RIN3: variants seen among roughly 807,000 people sequenced by gnomAD.
RIN3 encodes RAB5 interacting protein 3.
A neutral mutation model predicts 76.3 loss-of-function variants in RIN3; 54 were observed. The observed-to-expected ratio is 0.71, with a 90% CI of 0.57 to 0.89. The LOEUF is 0.89. Among genes scored for constraint, RIN3 ranks in the 40% least tolerant of loss-of-function variants. The probability of loss-of-function intolerance (pLI) is 0.00; values close to 1 mark genes in which losing one functional copy is unlikely to be tolerated. For missense variants in RIN3, 1,256 were observed against 1,322.1 expected, an observed-to-expected ratio of 0.95 and a Z score of 0.78; for synonymous variants, 576 against 564.0, an observed-to-expected ratio of 1.02 and a Z score of -0.30.
intron 7 of RIN3, among the ~76,000 whole-genome samples, chr14:92,662,942 C>A (rs1002432922): frequency 6.6e-6 from 1 of 152,020 alleles, no homozygotes; most frequent in African/African-American, 2.4e-5. Context: ...TCCTGAGTAG[C>A]TGGGACTACA....
intron 1 of RIN3, among the ~76,000 whole-genome samples, chr14:92,536,331 C>G (rs1212311347): frequency 6.6e-6 from 1 of 152,214 alleles, no homozygotes; most frequent in Non-Finnish European, 1.5e-5. Context: ...TGGACAAGAT[C>G]TGTCCTTCTA....
rs765836030 is a variant in RIN3, at chr14:92,688,059, G to A, written c.2765G>A (p.Arg922Gln). 1.1e-5 allele frequency: 17 copies of A among 1,602,926 alleles called. No individual in the cohort carries two copies. Among genetic ancestry groups the A allele is most frequent in the South Asian group, 2.2e-5 (2 of 89,892 alleles). Residue 922 changes from arginine (R) to glutamine (Q), a missense_variant, in exon 10 of 10, where the codon CGG becomes CAG. By Grantham distance (43) the Arg-to-Gln change is conservative. Around this residue, in one of 3 missense-constraint regions of RIN3, gnomAD observed 218 missense variants for 174.5 expected, o/e 1.25. Transcript: ENST00000216487. ...GCGGTGGAGCGGCCGCAGGCGCACC[G>A]GCTGTTCGTGCTGGTGGACGGGCGC... ...KFAVERPQAH[R>Q]LFVLVDGRCF...
intron 7 of RIN3, 28 bp downstream of exon 7, chr14:92,659,497 G>A (rs754004975): frequency 6.4e-7 from 1 of 1,562,140 alleles, no homozygotes. Context: ...AGGGGTCTGG[G>A]TGAGGAGCTC....
At chr14:92,610,439 C>T (rs576992865) in intron 3 of RIN3, among the ~76,000 whole-genome samples, 9 of 152,288 alleles carry the variant, frequency 5.9e-5, no homozygotes, top group African/African-American at 1.7e-4. Flanking sequence ...CTGTTCTTTA[C>T]GGGTCCTCAC....
intron 4 of RIN3, 75 bp downstream of exon 4, chr14:92,615,554 G>T: frequency 1.6e-6 from 2 of 1,269,918 alleles, no homozygotes; most frequent in Non-Finnish European, 2.3e-6. Flanking sequence ...GGGTGCAGGG[G>T]ACTTCACAGG....
intron 3 of RIN3, among the ~76,000 whole-genome samples, chr14:92,611,309 C>CA (rs1267780714): frequency 6.6e-6 from 1 of 151,892 alleles, no homozygotes; most frequent in African/African-American, 2.4e-5. Flanking sequence ...TTTTTGGAGA[C>CA]AGAGTCTCGC....
intron 2 of RIN3, among the ~76,000 whole-genome samples, chr14:92,569,108 C>G (rs1451635068): frequency 6.6e-6 from 1 of 152,234 alleles, no homozygotes; most frequent in Non-Finnish European, 1.5e-5. Context: ...ACCACTCTCT[C>G]TTTAGTTTAT....
At chr14:92,676,193 G>A (rs1440878977) in intron 7 of RIN3, among the ~76,000 whole-genome samples, 1 of 151,982 alleles carries the variant, frequency 6.6e-6, no homozygotes, top group Non-Finnish European at 1.5e-5. Flanking sequence ...GGGCGGTCAT[G>A]GAGAGGGAGG....
chr14:92,627,065 T>A (rs1344713007), intron 4 of RIN3, among the ~76,000 whole-genome samples: 1 of 152,180 alleles, frequency 6.6e-6, no homozygotes, highest in Non-Finnish European at 1.5e-5. Flanking sequence ...TGCCTATTCC[T>A]CTCATTCTCC....
At chr14:92,603,711 T>A (rs1191804326) in intron 3 of RIN3, among the ~76,000 whole-genome samples, 1 of 152,136 alleles carries the variant, frequency 6.6e-6, no homozygotes, top group Non-Finnish European at 1.5e-5. Context: ...TGTCTGCTCT[T>A]CTCACTTTTG....
At position 92,568,709 on chromosome 14, in the gene RIN3, T is replaced by C. The variant is rs1868564568; in HGVS notation, c.250-8651T>C. ...GAGTCCGTCCCTGCCCCACTCTCCA[T>C]CGTGAACTCACAGCCTCCAGCCTCC... On this transcript the variant is annotated intron_variant, in intron 2 of 9. Transcript: ENST00000216487. This position sits in a 1 kb window ranked among gnomAD's most constrained non-coding sequence, Gnocchi z 4.2. Among the ~76,000 whole-genome samples, 3 of 152,234 alleles carry C rather than the reference T, an allele frequency of 2.0e-5. No homozygotes were observed. Among genetic ancestry groups the C allele is most frequent in the African/African-American group, 7.2e-5 (3 of 41,460 alleles).
intron 1 of RIN3, among the ~76,000 whole-genome samples, chr14:92,518,570 T>G (rs1896506738): frequency 6.6e-6 from 1 of 152,204 alleles, no homozygotes. Flanking sequence ...GTAGGGACCC[T>G]GCTTGGCCCC....
intron 4 of RIN3, among the ~76,000 whole-genome samples, chr14:92,628,498 C>T (rs763915707): frequency 1.6e-4 from 24 of 152,148 alleles, no homozygotes; most frequent in Non-Finnish European, 3.2e-4. Context: ...TGGGCACTGG[C>T]GCCACTTTCC....
chr14:92,663,588 T>C (rs1887965411), intron 7 of RIN3, among the ~76,000 whole-genome samples: 1 of 152,206 alleles, frequency 6.6e-6, no homozygotes, highest in Non-Finnish European at 1.5e-5. Context: ...CCACCACTGG[T>C]TGAGCACTGG....
intron 8 of RIN3, among the ~76,000 whole-genome samples, chr14:92,682,642 C>G (rs529389373): frequency 2.6e-4 from 40 of 152,192 alleles, no homozygotes; most frequent in Non-Finnish European, 4.8e-4. Flanking sequence ...CAAAGGGATA[C>G]ATCCACTGAG....
chr14:92,543,522 A>G (rs1375853641), intron 1 of RIN3, among the ~76,000 whole-genome samples: 1 of 151,716 alleles, frequency 6.6e-6, no homozygotes, highest in African/African-American at 2.4e-5. Flanking sequence ...TTTGCTAGCC[A>G]GGTGCAAACC....
At chr14:92,576,474 T>C in intron 2 of RIN3, 1 of 1,190,274 alleles carries the variant, frequency 8.4e-7, no homozygotes, top group Non-Finnish European at 1.1e-6. Context: ...GAAGCAAGTC[T>C]TCCTGCTCAG....
At chr14:92,597,369 C>T (rs923349502) in intron 3 of RIN3, among the ~76,000 whole-genome samples, 7 of 152,200 alleles carry the variant, frequency 4.6e-5, no homozygotes, top group African/African-American at 1.7e-4. Flanking sequence ...GGCTTCTTCT[C>T]ATTGGCTCCA....
chr14:92,559,712 A>G (rs7156525), intron 2 of RIN3, among the ~76,000 whole-genome samples: 84,253 of 152,016 alleles, frequency 0.55, 23,736 homozygotes, highest in East Asian at 0.79. Context: ...GGCCATGAAG[A>G]ATGGATGGGC....
Sources: gnomAD v4.1 joint callset for allele counts (sites outside exome capture counted in the v4.1 genomes callset) on GRCh38, gnomAD v4.1.1 for gene constraint, gnomAD v4.1.1 regional missense constraint, Gnocchi (gnomAD v3.1) non-coding constraint, MANE v1.5 for transcripts, NCBI Gene and HGNC (gene_info 2026-07-23, HGNC 2026-07-21) for gene names.